TOGARAM1: variants seen among roughly 807,000 people sequenced by gnomAD.
TOGARAM1 encodes TOG array regulator of axonemal microtubules protein 1.
A neutral mutation model predicts 166.6 loss-of-function variants in TOGARAM1; 100 were observed. The ratio of observed to expected loss-of-function variants is 0.60; its 90% confidence interval spans 0.51 to 0.71. TOGARAM1 has a LOEUF of 0.71. Among genes scored for constraint, TOGARAM1 ranks in the 30% least tolerant of loss-of-function variants. TOGARAM1 has a pLI of 0.00. For missense variants in TOGARAM1, 2,029 were observed against 2,102.7 expected (o/e 0.96, Z 0.69); for synonymous variants, 758 against 763.8 (o/e 0.99, Z 0.13).
At chr14:45,029,826 G>T (rs1392963338) in intron 10 of TOGARAM1, among the ~76,000 whole-genome samples, 2 of 151,982 alleles carry the variant, frequency 1.3e-5, no homozygotes, top group African/African-American at 4.8e-5. Flanking sequence ...GTTGTTTTTT[G>T]TTGGTTTTTT....
Position 45,006,172 on chromosome 14 carries a change from A to G in TOGARAM1, c.2809A>G (p.Lys937Glu). The G allele has an allele frequency of 6.2e-7, 1 of 1,614,078 alleles. No homozygotes were observed. Among genetic ancestry groups the G allele is most frequent in the Non-Finnish European group, 8.5e-7 (1 of 1,179,980 alleles). The stretch of plus-strand genomic sequence containing the variant: ...TTTAAGCACAGTGGGACACAAAAAG[A>G]AAGAGCCTGATGATATTTGGAAGTG... ...ADLSTVGHKK[K>E]EPDDIWKCEK... Residue 937 changes from lysine (K) to glutamate (E), a missense_variant, in exon 5 of 20, where the codon AAA (lysine) becomes GAA (glutamate). This residue lies in a region of TOGARAM1 where 1,453 missense variants were observed against 1,432.2 expected (regional missense o/e 1.01). Coordinates refer to ENST00000361462, the MANE Select transcript of TOGARAM1 (RefSeq NM_001308120.2).
intron 1 of TOGARAM1, 57 bp from the exon 2 acceptor site, chr14:44,995,689 A>G (rs1412579712): frequency 8.0e-7 from 1 of 1,246,582 alleles, no homozygotes; most frequent in Non-Finnish European, 1.1e-6. Flanking sequence ...ATTTTGTCAT[A>G]TTTATTACCA....
intron 1 of TOGARAM1, among the ~76,000 whole-genome samples, chr14:44,968,846 C>T (rs886533846): frequency 6.6e-6 from 1 of 152,118 alleles, no homozygotes; most frequent in African/African-American, 2.4e-5. Context: ...GTCTTGTATC[C>T]ACCATTATAG....
In TOGARAM1 at chr14:45,051,680, C is replaced by G. The variant is rs1882378319; in HGVS notation, c.4314-756C>G. ...ATTCAAATGATTTTCCTGCCTCAGT[C>G]TCCTGAATAACTGGGATTACCTGAG... is the stretch of plus-strand genomic sequence containing the variant. On this transcript the variant is annotated intron_variant, in intron 14 of 19. Coordinates refer to ENST00000361462, the MANE Select transcript of TOGARAM1 (RefSeq NM_001308120.2). Among the ~76,000 whole-genome samples the G allele has an allele frequency of 2.0e-5, 3 of 149,846 alleles. No homozygotes were observed. In the South Asian group the frequency reaches 6.3e-4, roughly 32 times the overall value.
intron 6 of TOGARAM1, among the ~76,000 whole-genome samples, chr14:45,010,568 T>C (rs1879728804): frequency 6.6e-6 from 1 of 152,194 alleles, no homozygotes; most frequent in Admixed American, 6.6e-5. Flanking sequence ...ATGATTTGGA[T>C]ACATGATGTC....
chr14:44,974,159 T>C (rs1886055462), intron 1 of TOGARAM1, among the ~76,000 whole-genome samples: 1 of 152,000 alleles, frequency 6.6e-6, no homozygotes, highest in African/African-American at 2.4e-5. Context: ...GTTACACGTT[T>C]TGTAGTTTTC....
At chr14:45,025,264 A>T (rs1880762834) in intron 7 of TOGARAM1, among the ~76,000 whole-genome samples, 1 of 151,650 alleles carries the variant, frequency 6.6e-6, no homozygotes, top group South Asian at 2.1e-4. Context: ...TGACATGTAA[A>T]CTCCTTAAGG....
intron 1 of TOGARAM1, among the ~76,000 whole-genome samples, chr14:44,965,109 T>TGTA (rs1461477339): frequency 6.6e-6 from 1 of 152,178 alleles, no homozygotes; most frequent in Non-Finnish European, 1.5e-5. Context: ...ATTTACCAGT[T>TGTA]GTAACATCTT....
intron 14 of TOGARAM1, among the ~76,000 whole-genome samples, chr14:45,048,154 C>G (rs866755302): frequency 1.3e-5 from 2 of 149,596 alleles, no homozygotes; most frequent in African/African-American, 4.9e-5. Flanking sequence ...GAGATTGAGA[C>G]CATTCTGGCC....
At chr14:44,994,123 T>C (rs917680497) in intron 1 of TOGARAM1, among the ~76,000 whole-genome samples, 1 of 152,182 alleles carries the variant, frequency 6.6e-6, no homozygotes, top group East Asian at 1.9e-4. Context: ...TCTGTTTTTT[T>C]TGAGGCAGAG....
In TOGARAM1 at chr14:45,071,777, G is replaced by T. The variant is rs1438680914; in HGVS notation, c.5035G>T (p.Asp1679Tyr). 1.2e-6 allele frequency: 2 copies of T among 1,611,484 alleles called. No homozygotes were observed. The highest frequency in any genetic ancestry group is 2.2e-5 in the South Asian group (2 of 90,356). The change falls in exon 19 of 20, where the codon GAC becomes TAC. Residue 1679 changes from aspartate to tyrosine, a missense_variant. Asp to Tyr is a radical substitution (Grantham distance 160, BLOSUM62 -3). Transcript: ENST00000361462. ...GTTTTTAAATGGAAAAGCAAAACAG[G>T]ACATGACGGAAAAGCTTGCTGGTAA... Reference protein sequence around the residue: ...AQFLNGKAKQDMTEKLADIVT... With the variant: ...AQFLNGKAKQYMTEKLADIVT...
chr14:45,021,166 A>AT (rs1880477336), intron 7 of TOGARAM1, among the ~76,000 whole-genome samples: 1 of 152,118 alleles, frequency 6.6e-6, no homozygotes, highest in Admixed American at 6.5e-5. Flanking sequence ...ACATACTGGT[A>AT]TGGGTGAAGT....
At chr14:45,035,719 T>A (rs1292348187) in intron 11 of TOGARAM1, among the ~76,000 whole-genome samples, 1 of 151,782 alleles carries the variant, frequency 6.6e-6, no homozygotes, top group Non-Finnish European at 1.5e-5. Flanking sequence ...TCAAATACAC[T>A]GCAAACCAAA....
chr14:45,058,627 T>G (rs1395820727), intron 16 of TOGARAM1, among the ~76,000 whole-genome samples: 1 of 152,162 alleles, frequency 6.6e-6, no homozygotes, highest in Non-Finnish European at 1.5e-5. Context: ...AATTTTAGTC[T>G]ATGTGTCTTT....
At chr14:44,966,042 T>G (rs1885516425) in intron 1 of TOGARAM1, among the ~76,000 whole-genome samples, 1 of 151,340 alleles carries the variant, frequency 6.6e-6, no homozygotes, top group African/African-American at 2.4e-5. Flanking sequence ...GCCCAGCTAA[T>G]TTTTGTATTT....
In TOGARAM1 at chr14:45,032,233, T is replaced by C. The variant is rs1360676514; in HGVS notation, c.3669T>C (p.Pro1223=). The change falls in exon 11 of 20, where the codon CCT becomes CCC. Residue 1223 remains proline, a synonymous_variant. Transcript: ENST00000361462. ...TGTATTTTGTTTTAGGTGAAACACC[T>C]ACTGGAGCTATTTCACAGTATAAAG... ...TEKMASESET[P]TGAISQYKER... is the part of the protein sequence containing the mutation. 6.2e-7 allele frequency: 1 copy of C among 1,608,086 alleles called. No homozygotes were observed. Among genetic ancestry groups the C allele is most frequent in the East Asian group, 2.2e-5 (1 of 44,864 alleles).
At position 45,045,563 on chromosome 14, in the gene TOGARAM1, A is replaced by G. The variant is rs1311603160; in HGVS notation, c.4154+693A>G. On this transcript the variant is annotated intron_variant, in intron 13 of 19. Transcript: ENST00000361462. Reference sequence around the variant, plus strand: ...TGTGTGTATATATATATATATATATATATATATATATATATATATATGTGT... The same window carrying G: ...TGTGTGTATATATATATATATATATGTATATATATATATATATATATGTGT... Among the ~76,000 whole-genome samples, 320 of 40,546 alleles carry G rather than the reference A, an allele frequency of 7.9e-3. 16 individuals are homozygous for G. Among genetic ancestry groups the G allele is most frequent in the South Asian group, 0.067 (76 of 1,142 alleles). 26.6% of individuals were successfully genotyped at this position (40,546 alleles called of 152,430 possible). A position where few individuals can be genotyped will look rare whatever the true frequency, so the allele number is the denominator to read the frequency against.
chr14:45,012,513 A>AT (rs778663676), intron 7 of TOGARAM1, among the ~76,000 whole-genome samples: 1 of 152,198 alleles, frequency 6.6e-6, no homozygotes, highest in Non-Finnish European at 1.5e-5. Context: ...TGTGTTAAGA[A>AT]TTTTTGTGAA....
At chr14:44,972,105 C>T (rs1885918846) in intron 1 of TOGARAM1, among the ~76,000 whole-genome samples, 1 of 152,102 alleles carries the variant, frequency 6.6e-6, no homozygotes, top group Admixed American at 6.6e-5. Flanking sequence ...GGATATCCAA[C>T]CCCATGATCC....
Sources: allele counts gnomAD v4.1 joint callset (sites outside exome capture counted in the v4.1 genomes callset), GRCh38; gene constraint gnomAD v4.1.1; regional missense constraint gnomAD v4.1.1; transcripts MANE v1.5; gene names NCBI Gene and HGNC (gene_info 2026-07-23, HGNC 2026-07-21).